Variants in PRKD1 observed in about 807,000 individuals in gnomAD.
PRKD1 encodes the protein serine/threonine-protein kinase D1.
In PRKD1, 63 loss-of-function variants were observed where a neutral mutation model predicts 95.9. The ratio of observed to expected loss-of-function variants is 0.66; its 90% CI spans 0.54 to 0.81. The LOEUF is 0.81. Among genes scored for constraint, PRKD1 ranks in the 30% least tolerant of loss-of-function variants. PRKD1 has a pLI of 0.00. For missense variants in PRKD1, 1,048 were observed against 1,165.3 expected (o/e 0.90, Z 1.47); for synonymous variants, 425 against 423.1 (o/e 1.00, Z -0.05).
intron 1 of PRKD1, among the ~76,000 whole-genome samples, chr14:29,879,380 CA>C (rs1295879371): frequency 6.6e-6 from 1 of 152,164 alleles, no homozygotes; most frequent in East Asian, 1.9e-4. Context: ...GTGGGTTTAT[CA>C]GGGGCTTCCA....
At chr14:29,869,899 G>C (rs1893043182) in intron 1 of PRKD1, among the ~76,000 whole-genome samples, 1 of 152,052 alleles carries the variant, frequency 6.6e-6, no homozygotes, top group Non-Finnish European at 1.5e-5. Context: ...CCATGGCAGG[G>C]GGTGACTGGC....
chr14:29,903,027 T>G (rs370418518), intron 1 of PRKD1, among the ~76,000 whole-genome samples: 1 of 152,184 alleles, frequency 6.6e-6, no homozygotes, highest in Non-Finnish European at 1.5e-5. Context: ...GGCCCCAAAT[T>G]TGGCTCTCAG....
chr14:29,826,421 T>C (rs1451067263), intron 1 of PRKD1, among the ~76,000 whole-genome samples: 1 of 101,552 alleles, frequency 9.8e-6, no homozygotes, highest in Admixed American at 1.4e-4. Flanking sequence ...AATATATATA[T>C]ACATATATGA....
chr14:29,647,068 G>T (rs962308611), intron 4 of PRKD1, among the ~76,000 whole-genome samples: 2 of 151,850 alleles, frequency 1.3e-5, no homozygotes, highest in Non-Finnish European at 2.9e-5. Context: ...GTGAAACGGT[G>T]GCTACAGGGC....
chr14:29,656,371 A>G (rs5007053), intron 4 of PRKD1: 394,872 of 1,222,302 alleles, frequency 0.32, 64,585 homozygotes, highest in African/African-American at 0.36. Flanking sequence ...TGACCTGATT[A>G]TTCTCATAAA....
intron 1 of PRKD1, among the ~76,000 whole-genome samples, chr14:29,856,688 G>C (rs1251262581): frequency 6.6e-6 from 1 of 152,184 alleles, no homozygotes; most frequent in Non-Finnish European, 1.5e-5. Flanking sequence ...ATGAAGTCCA[G>C]GAAAGAGTCC....
chr14:29,607,054 T>A (rs1458470344), intron 13 of PRKD1, among the ~76,000 whole-genome samples: 1 of 152,228 alleles, frequency 6.6e-6, no homozygotes, highest in African/African-American at 2.4e-5. Flanking sequence ...CAGGTCTCAT[T>A]ATTTAATGGA....
chr14:29,763,349 A>AGGAAGGAAGGAAGGAAGGAAGGAG (rs1555342533), intron 1 of PRKD1, among the ~76,000 whole-genome samples: 59 of 120,288 alleles, frequency 4.9e-4, no homozygotes, highest in African/African-American at 1.8e-3. Flanking sequence ...GAACGAAGCA[A>AGGAAGGAAGGAAGGAAGGAAGGAG]GGAAGGAAGG....
chr14:29,670,762 C>G (rs1296667508), intron 2 of PRKD1, among the ~76,000 whole-genome samples: 2 of 152,180 alleles, frequency 1.3e-5, no homozygotes, highest in African/African-American at 4.8e-5. Context: ...CTCTGTTGAT[C>G]CCAGTCTCTC....
intron 1 of PRKD1, among the ~76,000 whole-genome samples, chr14:29,829,164 C>T (rs888702569): frequency 6.6e-6 from 1 of 152,176 alleles, no homozygotes; most frequent in Non-Finnish European, 1.5e-5. Flanking sequence ...AGTCCAGCCC[C>T]ATCCCATTCA....
At chr14:29,631,073 T>C (rs747965400) in intron 9 of PRKD1, 52 bp from the exon 10 acceptor site, 10 of 1,479,432 alleles carry the variant, frequency 6.8e-6, no homozygotes, top group South Asian at 2.7e-5. Flanking sequence ...ATGTAAACTT[T>C]CAAAGAAAAT....
intron 4 of PRKD1, among the ~76,000 whole-genome samples, chr14:29,650,761 T>A (rs1308444518): frequency 6.6e-6 from 1 of 152,188 alleles, no homozygotes. Context: ...TCAGCTTACA[T>A]CTTGGGAAAA....
At chr14:29,675,384 C>T (rs1883097120) in intron 2 of PRKD1, among the ~76,000 whole-genome samples, 1 of 152,172 alleles carries the variant, frequency 6.6e-6, no homozygotes, top group Non-Finnish European at 1.5e-5. Context: ...ATTTTCTGTG[C>T]CCCTTTGTAG....
intron 1 of PRKD1, among the ~76,000 whole-genome samples, chr14:29,796,551 C>T (rs1194601306): frequency 6.6e-6 from 1 of 152,108 alleles, no homozygotes; most frequent in African/African-American, 2.4e-5. Context: ...AGATCCCCAA[C>T]AATAACTGCA....
chr14:29,616,068 T>C (rs1256345029), intron 13 of PRKD1, among the ~76,000 whole-genome samples: 1 of 151,950 alleles, frequency 6.6e-6, no homozygotes, highest in Non-Finnish European at 1.5e-5. Flanking sequence ...ATGGATGACC[T>C]CGCTCTGGAA....
intron 3 of PRKD1, 22 bp downstream of exon 3, chr14:29,666,055 G>T (rs1326354962): frequency 2.5e-6 from 4 of 1,570,716 alleles, no homozygotes; most frequent in Admixed American, 3.4e-5. Flanking sequence ...CATTTAACTT[G>T]CATGGGAAGA....
Position 29,852,675 on chromosome 14 carries a change from T to C in PRKD1, c.264+74574A>G, listed in dbSNP as rs372784806. 1.1e-4 allele frequency among the ~76,000 whole-genome samples: 16 copies of C among 152,284 alleles called. 2 individuals are homozygous for C. The highest frequency in any genetic ancestry group is 3.4e-4 in the African/African-American group (14 of 41,570). ...TGGGAACAAAGCTGTAAAAGGGGTA[T>C]AGTTTTTGTATGTTACTGAAGTTAA... is the stretch of plus-strand genomic sequence containing the variant. On this transcript the variant is annotated intron_variant, in intron 1 of 17. Transcript: ENST00000331968.
At chr14:29,692,677 A>G (rs1390219852) in intron 2 of PRKD1, among the ~76,000 whole-genome samples, 1 of 152,158 alleles carries the variant, frequency 6.6e-6, no homozygotes, top group Non-Finnish European at 1.5e-5. Context: ...AAAAGGTGGC[A>G]TCACCATCCT....
Position 29,722,286 on chromosome 14 carries a change from C to T in PRKD1, c.403+3250G>A, listed in dbSNP as rs79298099. ...TTCAGAAGGAAAATGCAGCACCCTTCGTGTCCCCTTCAGGGACTAGGTCAG... is the reference window on the plus strand; with the variant it reads ...TTCAGAAGGAAAATGCAGCACCCTTTGTGTCCCCTTCAGGGACTAGGTCAG... On this transcript the variant is annotated intron_variant, in intron 2 of 17. Transcript: ENST00000331968. Among the ~76,000 whole-genome samples the T allele has an allele frequency of 7.2e-5, 11 of 152,310 alleles. No homozygotes were observed. The East Asian group carries it at 1.2e-3, about 16-fold the overall frequency.
Sources: allele counts gnomAD v4.1 joint callset (sites outside exome capture counted in the v4.1 genomes callset), GRCh38; gene constraint gnomAD v4.1.1; transcripts MANE v1.5; gene names NCBI Gene and HGNC (gene_info 2026-07-23, HGNC 2026-07-21).